TC2N: variants seen among roughly 807,000 people sequenced by gnomAD.
The protein encoded by TC2N is tandem C2 domains, nuclear.
TC2N carries 51 observed loss-of-function variants against 61.9 expected under a neutral mutation model. That is an observed-to-expected ratio of 0.82 (90% CI 0.66 to 1.04). The LOEUF is 1.04. Ranked by LOEUF, TC2N falls within the 50% of genes least tolerant of loss-of-function variation. The pLI, the probability that TC2N is intolerant of heterozygous loss-of-function variation, is 0.00. For missense variants in TC2N, 556 were observed against 566.7 expected (o/e 0.98, Z 0.19); for synonymous variants, 204 against 192.6 (o/e 1.06, Z -0.49).
At chr14:91,865,610 CA>C (rs1888683955) in intron 1 of TC2N, among the ~76,000 whole-genome samples, 1 of 151,676 alleles carries the variant, frequency 6.6e-6, no homozygotes, top group South Asian at 2.1e-4. Flanking sequence ...TTAAAGTAAA[CA>C]CAAATTGTAT....
chr14:91,800,435 A>G, intron 4 of TC2N, 63 bp from the exon 5 acceptor site: 3 of 882,038 alleles, frequency 3.4e-6, no homozygotes, highest in Non-Finnish European at 5.3e-6. Flanking sequence ...CTTAATTACC[A>G]TGAACTAAAT....
At chr14:91,857,161 C>A (rs1888499279) in intron 1 of TC2N, among the ~76,000 whole-genome samples, 1 of 152,208 alleles carries the variant, frequency 6.6e-6, no homozygotes, top group South Asian at 2.1e-4. Context: ...TTTCTAGATC[C>A]TTTCAGTTGT....
At chr14:91,809,363 A>T (rs1464907441) in intron 3 of TC2N, among the ~76,000 whole-genome samples, 1 of 152,094 alleles carries the variant, frequency 6.6e-6, no homozygotes, top group Non-Finnish European at 1.5e-5. Flanking sequence ...AGCCAAAACC[A>T]TGCCACTGCA....
chr14:91,836,628 G>GCGGGGGGGGGCGAGGCAGA (rs1271832913), intron 1 of TC2N: 1 of 128,988 alleles, frequency 7.8e-6, no homozygotes, highest in Non-Finnish European at 1.7e-5. Flanking sequence ...GGCGAGGCAG[G>GCGGGGGGGGGCGAGGCAGA]GCGGGGCAGG....
chr14:91,836,036 C>G (rs995491791), intron 1 of TC2N: 10 of 152,388 alleles, frequency 6.6e-5, no homozygotes, highest in African/African-American at 2.4e-4. Flanking sequence ...TCCAGACCAC[C>G]GCGCTTCCAG....
intron 3 of TC2N, 167 bp downstream of exon 3, chr14:91,812,145 G>A (rs1886796285): frequency 9.7e-6 from 3 of 309,498 alleles, no homozygotes; most frequent in African/African-American, 6.6e-5. Context: ...ATTTCAAAAT[G>A]GGACCTTTCA....
chr14:91,838,259 C>T (rs772168772), intron 1 of TC2N, among the ~76,000 whole-genome samples: 34 of 151,830 alleles, frequency 2.2e-4, no homozygotes, highest in South Asian at 4.2e-4. Context: ...CCTCCCACCT[C>T]AGCCTCCCAA....
intron 5 of TC2N, 76 bp downstream of exon 5, chr14:91,800,205 T>C (rs1330435125): frequency 6.1e-6 from 5 of 813,814 alleles, no homozygotes; most frequent in Non-Finnish European, 9.7e-6. Context: ...ATATTCCTAA[T>C]GTAATTCATA....
intron 1 of TC2N, among the ~76,000 whole-genome samples, chr14:91,849,561 T>A (rs138338061): frequency 4.7e-4 from 72 of 152,290 alleles, no homozygotes; most frequent in African/African-American, 1.7e-3. Flanking sequence ...ATAAATAATA[T>A]ATTTTGCCTA....
chr14:91,825,281 G>A (rs1887448857), intron 1 of TC2N, among the ~76,000 whole-genome samples: 2 of 151,884 alleles, frequency 1.3e-5, no homozygotes, highest in African/African-American at 4.8e-5. Context: ...ATCCACCCGC[G>A]TCGGCCTCCC....
At chr14:91,812,264 C>T (rs1886802194) in intron 3 of TC2N, 48 bp downstream of exon 3, 1 of 1,048,612 alleles carries the variant, frequency 9.5e-7, no homozygotes, top group Non-Finnish European at 1.3e-6. Context: ...AATAATAGCA[C>T]TTAAATGCTA....
intron 8 of TC2N, among the ~76,000 whole-genome samples, 192 bp from the exon 9 acceptor site, chr14:91,792,750 T>G (rs1885722706): frequency 6.6e-6 from 1 of 152,196 alleles, no homozygotes; most frequent in Admixed American, 6.5e-5. Flanking sequence ...TCTACCTTTC[T>G]TAATTTCACA....
intron 1 of TC2N, among the ~76,000 whole-genome samples, chr14:91,851,521 G>A (rs769594302): frequency 2.0e-5 from 3 of 152,166 alleles, no homozygotes; most frequent in Non-Finnish European, 2.9e-5. Context: ...TGTTGCCGTA[G>A]CGTCGGAATG....
At chr14:91,832,196 C>G (rs891007896) in intron 1 of TC2N, among the ~76,000 whole-genome samples, 1 of 152,078 alleles carries the variant, frequency 6.6e-6, no homozygotes, top group African/African-American at 2.4e-5. Context: ...CGAGACCAGC[C>G]TGGCCAACAT....
Position 91,797,884 on chromosome 14 carries a change from C to T in TC2N, c.756G>A (p.Trp252Ter). ...TAGGAGTGTCTCCATAACTAGAGGG[C>T]CAACTTAAATCTCTGCACTAAAAAA... ...ITVLQCRDLSWPSSYGDTPTV... is the reference protein window; with the variant it reads ...ITVLQCRDLS Residue 252 changes from tryptophan (W) to a stop codon, truncating the protein, a stop_gained, in exon 8 of 12, where the codon TGG becomes TGA. Coordinates refer to ENST00000435962, the MANE Select transcript of TC2N (RefSeq NM_001128596.3). LOFTEE classifies it high-confidence loss of function. 6.3e-7 allele frequency: 1 copy of T among 1,597,378 alleles called. No individual in the cohort carries two copies. The highest frequency in any genetic ancestry group is 2.2e-5 in the East Asian group (1 of 44,466).
At chr14:91,807,059 G>T (rs1480660989) in intron 3 of TC2N, among the ~76,000 whole-genome samples, 1 of 152,226 alleles carries the variant, frequency 6.6e-6, no homozygotes, top group African/African-American at 2.4e-5. Context: ...CCAAGTCTTG[G>T]CAGCTTCCAC....
At chr14:91,796,565 G>T (rs1885907089) in intron 8 of TC2N, among the ~76,000 whole-genome samples, 2 of 81,680 alleles carry the variant, frequency 2.4e-5, no homozygotes, top group South Asian at 1.1e-3. Flanking sequence ...ACATAGGGTG[G>T]ACCCCTAATG....
chr14:91,830,271 G>T (rs1887695180), intron 1 of TC2N, among the ~76,000 whole-genome samples: 1 of 152,146 alleles, frequency 6.6e-6, no homozygotes, highest in African/African-American at 2.4e-5. Context: ...CAGTATTCAT[G>T]ATGGCCAAAA....
intron 1 of TC2N, among the ~76,000 whole-genome samples, chr14:91,842,802 A>G (rs533671633): frequency 6.6e-6 from 1 of 152,188 alleles, no homozygotes; most frequent in Non-Finnish European, 1.5e-5. Context: ...CAGATAAGCT[A>G]TGTGGTTCCA....
Sources: gnomAD v4.1 joint callset for allele counts (sites outside exome capture counted in the v4.1 genomes callset) on GRCh38, gnomAD v4.1.1 for gene constraint, MANE v1.5 for transcripts, NCBI Gene and HGNC (gene_info 2026-07-23, HGNC 2026-07-21) for gene names.